Variants in VPS8 observed in about 807,000 individuals in gnomAD.
VPS8 encodes VPS8 subunit of CORVET complex.
In VPS8, 129 loss-of-function variants were observed where a neutral mutation model predicts 216.4. That is an observed-to-expected ratio of 0.60 (90% CI 0.52 to 0.69). The LOEUF (loss-of-function observed/expected upper bound fraction) is 0.69, where lower values mean the gene tolerates loss of function less well. Ranked by LOEUF, VPS8 falls within the 30% of genes least tolerant of loss-of-function variation. The pLI, the probability that VPS8 is intolerant of heterozygous loss-of-function variation, is 0.00. For synonymous variants in VPS8, 571 were observed against 565.4 expected (o/e 1.01, Z -0.14); for missense variants, 1,531 against 1,683.5 (o/e 0.91, Z 1.59).
chr3:184,868,762 A>T (rs1395175716), intron 18 of VPS8, among the ~76,000 whole-genome samples, 184 bp from the exon 19 acceptor site: 1 of 152,184 alleles, frequency 6.6e-6, no homozygotes, highest in Non-Finnish European at 1.5e-5. Flanking sequence ...ACTAGCATAT[A>T]TAGTCATTAT....
At chr3:184,954,146 T>C (rs1189368438) in intron 36 of VPS8, among the ~76,000 whole-genome samples, 1 of 152,068 alleles carries the variant, frequency 6.6e-6, no homozygotes, top group Non-Finnish European at 1.5e-5. Context: ...ACAAAGGATA[T>C]AGGGGAACAG....
At chr3:184,931,359 TA>T (rs1740643652) in intron 34 of VPS8, among the ~76,000 whole-genome samples, 2 of 152,192 alleles carry the variant, frequency 1.3e-5, no homozygotes, top group South Asian at 4.1e-4. Context: ...TAAACTGAGG[TA>T]ATCCTACTTT....
At chr3:184,848,559 G>A (rs1436108471) in intron 8 of VPS8, among the ~76,000 whole-genome samples, 2 of 116,624 alleles carry the variant, frequency 1.7e-5, no homozygotes, top group African/African-American at 6.6e-5. Flanking sequence ...TTTTTTTCCT[G>A]TATTCTTTTT....
intron 42 of VPS8, among the ~76,000 whole-genome samples, chr3:184,985,366 C>T (rs887303453): frequency 2.0e-5 from 3 of 151,970 alleles, no homozygotes; most frequent in East Asian, 1.9e-4. Context: ...TGTTTATGTC[C>T]CTGGTCTTTT....
intron 25 of VPS8, among the ~76,000 whole-genome samples, chr3:184,902,430 C>T (rs1015010448): frequency 1.9e-4 from 29 of 151,454 alleles, no homozygotes; most frequent in South Asian, 1.3e-3. Context: ...GAGCCAAGAT[C>T]GTGCCACTTG....
intron 1 of VPS8, chr3:184,816,279 A>T (rs1222229363): frequency 6.6e-6 from 1 of 152,198 alleles, no homozygotes; most frequent in East Asian, 1.9e-4. Flanking sequence ...GTATATTGTG[A>T]TAGGGGATTA....
intron 37 of VPS8, among the ~76,000 whole-genome samples, chr3:184,964,177 T>C (rs1037760449): frequency 7.2e-5 from 11 of 152,092 alleles, no homozygotes; most frequent in Non-Finnish European, 1.6e-4. Context: ...GTATTGTTAG[T>C]ATGTATGTAT....
Position 184,948,651 on chromosome 3 carries a change from C to T in VPS8, c.3035+8408C>T, listed in dbSNP as rs145794841. Among the ~76,000 whole-genome samples the T allele has an allele frequency of 1.4e-4, 21 of 152,220 alleles. No individual in the cohort carries two copies. In the East Asian group the frequency reaches 3.7e-3, roughly 27 times the overall value. ...GTGAATTCATTTTTGCTTGGAGTCCCCAGAATATTCTGAGGTTCCTGGGCC... is the reference window on the plus strand; with the variant it reads ...GTGAATTCATTTTTGCTTGGAGTCCTCAGAATATTCTGAGGTTCCTGGGCC... On this transcript the variant is annotated intron_variant, in intron 36 of 47. Transcript: ENST00000625842.
chr3:184,982,903 C>T (rs1423623136), intron 41 of VPS8, 109 bp from the exon 42 acceptor site: 6 of 997,612 alleles, frequency 6.0e-6, no homozygotes, highest in Admixed American at 3.4e-5. Context: ...CCTTGGTTAG[C>T]TAAGTTTCTA....
At chr3:184,839,403 T>C (rs1721706473) in intron 6 of VPS8, 2 of 309,832 alleles carry the variant, frequency 6.5e-6, no homozygotes, top group Non-Finnish European at 1.2e-5. Context: ...CCTGGATCCC[T>C]GATTTTTTAT....
intron 2 of VPS8, 52 bp downstream of exon 2, chr3:184,824,837 A>C: frequency 6.6e-7 from 1 of 1,518,470 alleles, no homozygotes; most frequent in Admixed American, 2.0e-5. Flanking sequence ...TGTAGATTAG[A>C]GTATGCTTTG....
chr3:184,992,484 CA>C (rs1752030532), intron 42 of VPS8, among the ~76,000 whole-genome samples: 1 of 151,974 alleles, frequency 6.6e-6, no homozygotes, highest in Non-Finnish European at 1.5e-5. Flanking sequence ...ATTCAAATCC[CA>C]TCTTATCTGC....
chr3:184,976,669 C>T (rs1031198255), intron 40 of VPS8, among the ~76,000 whole-genome samples: 2 of 152,008 alleles, frequency 1.3e-5, no homozygotes, highest in Non-Finnish European at 2.9e-5. Context: ...TTTTTATGAC[C>T]ATATGCCCAA....
Position 184,839,715 on chromosome 3 carries a change from A to G in VPS8, c.498A>G (p.Ile166Met), listed in dbSNP as rs373291191. ...LPTAIAVSSL[I>M]AVGTSHGLAL... ...GTTTTCAGGCAGTATCCAGTCTGATAGCAGTGGGTACATCTCATGGATTGG... is the reference window on the plus strand; with the variant it reads ...GTTTTCAGGCAGTATCCAGTCTGATGGCAGTGGGTACATCTCATGGATTGG... The change falls in exon 7 of 48, where the codon ATA becomes ATG. Residue 166 changes from isoleucine to methionine, a missense_variant. Transcript: ENST00000625842. 2.2e-5 allele frequency: 36 copies of G among 1,606,628 alleles called. No individual in the cohort carries two copies. Among genetic ancestry groups the G allele is most frequent in the Non-Finnish European group, 2.8e-5 (33 of 1,176,066 alleles).
chr3:184,973,921 T>G (rs2109664103), intron 40 of VPS8, among the ~76,000 whole-genome samples: 1 of 152,318 alleles, frequency 6.6e-6, no homozygotes, highest in South Asian at 2.1e-4. Flanking sequence ...ATATATTTAC[T>G]ACATTTTCTT....
intron 45 of VPS8, 106 bp downstream of exon 45, chr3:184,999,967 G>A: frequency 5.6e-6 from 7 of 1,253,060 alleles, no homozygotes; most frequent in Non-Finnish European, 7.6e-6. Context: ...AATTTACCTG[G>A]TGGGTATTGG....
chr3:184,995,000 C>G (rs188341675), intron 43 of VPS8, among the ~76,000 whole-genome samples: 2 of 152,312 alleles, frequency 1.3e-5, no homozygotes, highest in African/African-American at 2.4e-5. Flanking sequence ...TTCACTATCA[C>G]GAGAACAACA....
intron 34 of VPS8, among the ~76,000 whole-genome samples, chr3:184,933,674 C>T (rs752344717): frequency 4.0e-5 from 6 of 151,894 alleles, no homozygotes; most frequent in East Asian, 1.9e-4. Context: ...AGATGGAAGT[C>T]GAGTTAAGTT....
intron 15 of VPS8, 58 bp from the exon 16 acceptor site, chr3:184,862,839 C>T (rs916283246): frequency 7.1e-6 from 11 of 1,547,436 alleles, no homozygotes; most frequent in Non-Finnish European, 8.8e-6. Context: ...TTCTTCTTGA[C>T]CCAAATGATG....
Sources: gnomAD v4.1 joint callset for allele counts (sites outside exome capture counted in the v4.1 genomes callset) on GRCh38, gnomAD v4.1.1 for gene constraint, MANE v1.5 for transcripts, NCBI Gene and HGNC (gene_info 2026-07-23, HGNC 2026-07-21) for gene names.